ROBO1: variants seen among roughly 807,000 people sequenced by gnomAD.
ROBO1 encodes the protein roundabout homolog 1.
Under a neutral mutation model 195.9 loss-of-function variants are expected in ROBO1, and 149 were observed. The ratio of observed to expected loss-of-function variants is 0.76; its 90% CI spans 0.67 to 0.87. ROBO1 has a LOEUF of 0.87. Ranked by LOEUF, ROBO1 falls within the 40% of genes least tolerant of loss-of-function variation. The pLI, the probability that ROBO1 is intolerant of heterozygous loss-of-function variation, is 0.00. For synonymous variants in ROBO1, 816 were observed against 733.2 expected, an observed-to-expected ratio of 1.11 and a Z score of -1.82; for missense variants, 1,933 against 2,068.3, an observed-to-expected ratio of 0.93 and a Z score of 1.27.
intron 21 of ROBO1, 130 bp from the exon 22 acceptor site, chr3:78,640,028 A>G (rs143317544): frequency 1.4e-4 from 110 of 794,540 alleles, no homozygotes; most frequent in East Asian, 3.6e-4. Context: ...GAATGACATT[A>G]TTATCCCTTT....
intron 2 of ROBO1, among the ~76,000 whole-genome samples, chr3:79,475,188 T>A (rs1054470697): frequency 6.6e-6 from 1 of 151,994 alleles, no homozygotes; most frequent in African/African-American, 2.4e-5. Flanking sequence ...TACAATTGTT[T>A]ACATCAAATC....
At chr3:78,716,674 C>A (rs754204329) in intron 7 of ROBO1, among the ~76,000 whole-genome samples, 2 of 152,170 alleles carry the variant, frequency 1.3e-5, no homozygotes, top group Non-Finnish European at 2.9e-5. Context: ...CTACTGTAAT[C>A]CCAACACCTA....
chr3:79,496,734 T>G (rs1449982941), intron 2 of ROBO1, among the ~76,000 whole-genome samples: 1 of 152,130 alleles, frequency 6.6e-6, no homozygotes, highest in Non-Finnish European at 1.5e-5. Flanking sequence ...AATGTAATAT[T>G]ATTAACTCAG....
intron 3 of ROBO1, among the ~76,000 whole-genome samples, chr3:79,090,958 A>G (rs558940820): frequency 2.6e-5 from 4 of 152,276 alleles, no homozygotes; most frequent in African/African-American, 9.6e-5. Flanking sequence ...AAGAATAATC[A>G]TAGTTTTAAT....
In ROBO1 at chr3:78,938,644, G is replaced by T. The variant is rs1269538704; in HGVS notation, c.456C>A (p.Tyr152Ter). ...EGVYVCVARN[Y>*]LGEAVSHNAS... is the part of the protein sequence containing the mutation. ...CATTGTGGCTCACAGCCTCTCCAAG[G>T]TAATTCCTTGCTACACAGACATAGA... Residue 152 changes from tyrosine to a stop codon, truncating the protein, a stop_gained, in exon 4 of 31, where the codon TAC (tyrosine) becomes TAA (stop). Coordinates refer to ENST00000464233, the MANE Select transcript of ROBO1 (RefSeq NM_002941.4). LOFTEE classifies it high-confidence loss of function. 1 of 1,613,718 alleles carries T rather than the reference G, an allele frequency of 6.2e-7. No homozygotes were observed. The highest frequency in any genetic ancestry group is 8.5e-7 in the Non-Finnish European group (1 of 1,179,800).
intron 10 of ROBO1, among the ~76,000 whole-genome samples, chr3:78,676,341 G>A (rs941179465): frequency 1.3e-5 from 2 of 152,220 alleles, no homozygotes; most frequent in African/African-American, 2.4e-5. Flanking sequence ...ACTTTGACGA[G>A]TTGAGAGAAG....
chr3:79,397,158 A>T (rs2106754915), intron 2 of ROBO1, among the ~76,000 whole-genome samples: 1 of 151,850 alleles, frequency 6.6e-6, no homozygotes, highest in East Asian at 1.9e-4. Context: ...TTTCTAGTTT[A>T]TAAAACTTTA....
chr3:79,081,085 G>A (rs1033863218), intron 3 of ROBO1, among the ~76,000 whole-genome samples: 3 of 151,864 alleles, frequency 2.0e-5, no homozygotes, highest in Middle Eastern at 3.2e-3. Context: ...GTGCCCAAAC[G>A]CTTTGCCTGA....
In ROBO1 at chr3:79,595,602, A is replaced by G. The variant is rs1341047713; in HGVS notation, c.-50-5641T>C. 2.0e-5 allele frequency among the ~76,000 whole-genome samples: 3 copies of G among 151,450 alleles called. No individual in the cohort carries two copies. In the South Asian group the frequency reaches 6.3e-4, roughly 32 times the overall value. On this transcript the variant is annotated intron_variant, in intron 1 of 30. Coordinates refer to ENST00000464233, the MANE Select transcript of ROBO1 (RefSeq NM_002941.4). ...AAAGAAAAAGTGCTCTGCAAAACCA[A>G]ACTATTGCAACCTTTAACTCCAGTG...
At chr3:79,229,108 T>C (rs1029056531) in intron 2 of ROBO1, among the ~76,000 whole-genome samples, 1 of 152,186 alleles carries the variant, frequency 6.6e-6, no homozygotes, top group Non-Finnish European at 1.5e-5. Context: ...GTGCAAAAAG[T>C]TAACTTATAT....
rs1559772810 is a variant in ROBO1 at position 78,711,354 on chromosome 3, C to CTTTTCTTTCTTT, written c.1045+3042_1045+3043insAAAGAAAGAAAA. On this transcript the variant is annotated intron_variant, in intron 8 of 30. Coordinates refer to ENST00000464233, the MANE Select transcript of ROBO1 (RefSeq NM_002941.4). ...TTCCTTCCTTCCTTCCTTCCTCCTTCCTTCCTTCCTTCCTTCCTTCCTTCC... is the reference window on the plus strand; with the variant it reads ...TTCCTTCCTTCCTTCCTTCCTCCTTCTTTTCTTTCTTTCTTCCTTCCTTCCTTCCTTCCTTCC... Among the ~76,000 whole-genome samples, 107 of 64,826 alleles carry CTTTTCTTTCTTT rather than the reference C, an allele frequency of 1.7e-3. 6 individuals carry two copies. The highest frequency in any genetic ancestry group is 7.8e-3 in the African/African-American group (95 of 12,200). 42.5% of individuals were successfully genotyped at this position (64,826 alleles called of 152,430 possible). A position where few individuals can be genotyped will look rare whatever the true frequency, so the allele number is the denominator to read the frequency against.
At chr3:79,023,890 T>G (rs1576583210) in intron 3 of ROBO1, among the ~76,000 whole-genome samples, 2 of 151,394 alleles carry the variant, frequency 1.3e-5, no homozygotes, top group East Asian at 3.9e-4. Flanking sequence ...TTTTGTATTT[T>G]TAGTAGAGAC....
intron 1 of ROBO1, among the ~76,000 whole-genome samples, chr3:79,590,190 T>A (rs570239647): frequency 1.3e-4 from 19 of 151,940 alleles, no homozygotes; most frequent in African/African-American, 4.3e-4. Flanking sequence ...AAGTTAGATA[T>A]TAATCATAAA....
chr3:78,961,674 T>C (rs1443415289), intron 3 of ROBO1, among the ~76,000 whole-genome samples: 1 of 152,156 alleles, frequency 6.6e-6, no homozygotes. Context: ...GTGGAACTAA[T>C]ATTCAGACTC....
In ROBO1 at chr3:79,036,035, A is replaced by G. The variant is rs371263637; in HGVS notation, c.172+89421T>C. Among the ~76,000 whole-genome samples the G allele has an allele frequency of 3.9e-5, 6 of 152,262 alleles. No homozygotes were observed. The South Asian group carries it at 8.3e-4, about 21-fold the overall frequency. On this transcript the variant is annotated intron_variant, in intron 3 of 30. Coordinates refer to ENST00000464233, the MANE Select transcript of ROBO1 (RefSeq NM_002941.4). The stretch of plus-strand genomic sequence containing the variant: ...GATGAGGCAACATGTTCATCTCTTT[A>G]TAATATAACCACAATATTTAGAAAT...
chr3:79,099,967 A>G lies in ROBO1; in HGVS notation c.172+25489T>C, dbSNP rs548163895. Among the ~76,000 whole-genome samples the G allele has an allele frequency of 2.6e-5, 4 of 151,900 alleles. No homozygotes were observed. The South Asian group carries it at 8.3e-4, about 31-fold the overall frequency. On this transcript the variant is annotated intron_variant, in intron 3 of 30. Coordinates refer to ENST00000464233, the MANE Select transcript of ROBO1 (RefSeq NM_002941.4). ...TTTGACAGCAGGTGGACTAGGTCCT[A>G]TTCTCTATTCTGGGCTGCTGGGTAG...
chr3:79,324,735 T>C (rs1398055021), intron 2 of ROBO1, among the ~76,000 whole-genome samples: 3 of 152,164 alleles, frequency 2.0e-5, no homozygotes, highest in Non-Finnish European at 2.9e-5. Context: ...AAGTTAGAAT[T>C]ATGTTCATGC....
At position 78,617,965 on chromosome 3, in the gene ROBO1, G is replaced by A; in HGVS notation, c.3952C>T (p.Leu1318=). The A allele has an allele frequency of 1.2e-6, 2 of 1,613,968 alleles. No individual in the cohort carries two copies. Among genetic ancestry groups the A allele is most frequent in the African/African-American group, 1.3e-5 (1 of 75,042 alleles). ...GCATCCGTATCCATATCTGAGACCA[G>A]GGGTCCTGAAATGTAGCCATAGGTA... The part of the protein sequence containing the change: ...PHTYGYISGP[L]VSDMDTDAPE... The change falls in exon 27 of 31, where the codon CTG becomes TTG. Residue 1318 remains leucine, a synonymous_variant. Coordinates refer to ENST00000464233, the MANE Select transcript of ROBO1 (RefSeq NM_002941.4).
At position 78,611,202 on chromosome 3, in the gene ROBO1, C is replaced by T. The variant is rs116367745; in HGVS notation, c.4435+3446G>A. On this transcript the variant is annotated intron_variant, in intron 28 of 30. Transcript: ENST00000464233. ...AGATCCAGCACTCTATTTACTTGAC[C>T]GCTTCAAGTCCTCAGACCTTGTAAT... 6.3e-3 allele frequency among the ~76,000 whole-genome samples: 956 copies of T among 152,268 alleles called. 15 individuals are homozygous for T. Among genetic ancestry groups the T allele is most frequent in the Non-Finnish European group, 7.1e-3 (481 of 68,032 alleles).
Sources: gnomAD v4.1 joint callset for allele counts (sites outside exome capture counted in the v4.1 genomes callset) on GRCh38, gnomAD v4.1.1 for gene constraint, MANE v1.5 for transcripts, NCBI Gene and HGNC (gene_info 2026-07-23, HGNC 2026-07-21) for gene names.